The following RNF182 variants were observed in gnomAD, a reference collection of about 807,000 sequenced individuals.
RNF182 encodes the protein ring finger protein 182.
RNF182 carries 15 observed loss-of-function variants against 14.4 expected under a neutral mutation model. The observed-to-expected ratio is 1.04, with a 90% CI of 0.70 to 1.60. RNF182 has a LOEUF of 1.60. RNF182 is among the 40% of genes most tolerant of loss of function. RNF182 has a pLI of 0.00. For missense variants in RNF182, 268 were observed against 294.8 expected (o/e 0.91, Z 0.67); for synonymous variants, 128 against 122.9 (o/e 1.04, Z -0.27).
At chr6:13,949,646 C>A in intron 1 of RNF182, 1 of 330,938 alleles carries the variant, frequency 3.0e-6, no homozygotes, top group East Asian at 7.5e-5. Flanking sequence ...TTATCATGAT[C>A]GAACAAACCT....
chr6:13,962,331 A>G (rs1335648932), intron 1 of RNF182, among the ~76,000 whole-genome samples: 1 of 152,224 alleles, frequency 6.6e-6, no homozygotes, highest in East Asian at 1.9e-4. Flanking sequence ...GGTGTCAGAG[A>G]GATGGCAAGC....
Position 13,924,984 on chromosome 6 carries a change from A to T in RNF182, c.-406A>T, listed in dbSNP as rs1352839892. ...TCCCTCCCCTCCCAGGCGCCGCCGCAGCCGGAGCGGCTCCCGGGCCCTGGG... is the reference window on the plus strand; with the variant it reads ...TCCCTCCCCTCCCAGGCGCCGCCGCTGCCGGAGCGGCTCCCGGGCCCTGGG... On this transcript the variant is annotated 5_prime_UTR_variant, in exon 1 of 3. Transcript: ENST00000488300. 5.5e-5 allele frequency: 1 copy of T among 18,230 alleles called. No homozygotes were observed. The highest frequency in any genetic ancestry group is 1.1e-4 in the Non-Finnish European group (1 of 9,220). 1.1% of individuals were successfully genotyped at this position (18,230 alleles called of 1,614,324 possible).
chr6:13,967,785 T>G (rs1414466328), intron 1 of RNF182, among the ~76,000 whole-genome samples: 2 of 152,186 alleles, frequency 1.3e-5, no homozygotes, highest in Non-Finnish European at 2.9e-5. Flanking sequence ...CTGGCTAGTC[T>G]CAAACTCCTA....
intron 1 of RNF182, among the ~76,000 whole-genome samples, chr6:13,972,304 C>CAA (rs1162936847): frequency 2.5e-4 from 15 of 61,084 alleles, no homozygotes; most frequent in Middle Eastern, 0.01. Context: ...GACTCTGTCT[C>CAA]AAAAAAAAAA....
At chr6:13,935,887 A>G (rs2113587297) in intron 1 of RNF182, among the ~76,000 whole-genome samples, 1 of 152,328 alleles carries the variant, frequency 6.6e-6, no homozygotes, top group Non-Finnish European at 1.5e-5. Flanking sequence ...TGCTATAAGG[A>G]ACTACTTGAG....
intron 1 of RNF182, among the ~76,000 whole-genome samples, chr6:13,943,925 A>C (rs1456907848): frequency 6.6e-6 from 1 of 152,192 alleles, no homozygotes; most frequent in Non-Finnish European, 1.5e-5. Flanking sequence ...ATTGGTGTTT[A>C]TCTGGAGGAG....
At chr6:13,926,974 T>C (rs1758846602) in intron 1 of RNF182, among the ~76,000 whole-genome samples, 1 of 152,188 alleles carries the variant, frequency 6.6e-6, no homozygotes, top group African/African-American at 2.4e-5. Context: ...GAGATATCCA[T>C]GGTGAATTTA....
intron 1 of RNF182, among the ~76,000 whole-genome samples, chr6:13,936,186 C>T (rs536179499): frequency 3.3e-5 from 5 of 152,318 alleles, no homozygotes; most frequent in East Asian, 1.9e-4. Flanking sequence ...CACCAGGCCC[C>T]GCCTCCAACA....
intron 1 of RNF182, among the ~76,000 whole-genome samples, chr6:13,950,028 A>G (rs1759547689): frequency 6.6e-6 from 1 of 152,248 alleles, no homozygotes; most frequent in Admixed American, 6.5e-5. Flanking sequence ...AACTTAAAAT[A>G]ATTATTCAGC....
chr6:13,940,651 T>G (rs1020259417), intron 1 of RNF182, among the ~76,000 whole-genome samples: 1 of 152,128 alleles, frequency 6.6e-6, no homozygotes, highest in Non-Finnish European at 1.5e-5. Flanking sequence ...GGCTTTAGGT[T>G]TTCTGTTTTT....
At position 13,952,089 on chromosome 6, in the gene RNF182, AAGATAGTAAAGAGACAGG is replaced by A. The variant is rs370852294; in HGVS notation, c.-366-22117_-366-22100del. ...CAGACAGTTGCCCTGCAAGACAGAA[AAGATAGTAAAGAGACAGG>A]AGAGAGAGAGAGGAAAGGGAAGGGC... is the stretch of plus-strand genomic sequence containing the variant. On this transcript the variant is annotated intron_variant, in intron 1 of 2. Coordinates refer to ENST00000488300, the MANE Select transcript of RNF182 (RefSeq NM_152737.4). 1.4e-3 allele frequency among the ~76,000 whole-genome samples: 218 copies of A among 152,280 alleles called. 1 individual carries two copies. The highest frequency in any genetic ancestry group is 5.0e-3 in the African/African-American group (208 of 41,550).
Position 13,977,719 on chromosome 6 carries a change from A to G in RNF182, c.600A>G (p.Gly200=). ...GLLYFSSLPL[G]IYLLVSKKVT... ...TCTACTTCAGCTCCTTACCCTTAGG[A>G]ATCTACTTACTGGTGTCTAAGAAAG... Residue 200 remains glycine, a synonymous_variant, in exon 3 of 3, where the codon GGA becomes GGG. Coordinates refer to ENST00000488300, the MANE Select transcript of RNF182 (RefSeq NM_152737.4). 6.2e-7 allele frequency: 1 copy of G among 1,614,110 alleles called. No individual in the cohort carries two copies.
intron 1 of RNF182, among the ~76,000 whole-genome samples, chr6:13,936,728 G>A (rs1759120463): frequency 6.6e-6 from 1 of 152,216 alleles, no homozygotes; most frequent in South Asian, 2.1e-4. Flanking sequence ...CTGTAGGAGA[G>A]GCATCCAAGC....
chr6:13,949,020 T>C (rs1360909276), intron 1 of RNF182: 7 of 563,186 alleles, frequency 1.2e-5, no homozygotes, highest in East Asian at 2.9e-5. Flanking sequence ...ATCTACTCAC[T>C]CCTAATCAGT....
At chr6:13,949,073 T>G in intron 1 of RNF182, 1 of 703,040 alleles carries the variant, frequency 1.4e-6, no homozygotes, top group South Asian at 1.6e-5. Flanking sequence ...TATAACCCTT[T>G]AAATTTTTTG....
chr6:13,977,923 A>G lies in RNF182; in HGVS notation c.*60A>G. ...CCCTGTTTGAGTGTGAAGTTAGATA[A>G]TTTATAATTTATTTTCTTTTATGTT... On this transcript the variant is annotated 3_prime_UTR_variant, in exon 3 of 3. Transcript: ENST00000488300. The G allele has an allele frequency of 2.1e-6, 3 of 1,456,690 alleles. 1 individual carries two copies. The allele number at this position is 1,456,690 out of a possible 1,614,324, so 90.2% of individuals were successfully genotyped here. A position where few individuals can be genotyped will look rare whatever the true frequency, so the allele number is the denominator to read the frequency against.
At chr6:13,953,385 T>C (rs1759643755) in intron 1 of RNF182, among the ~76,000 whole-genome samples, 1 of 152,022 alleles carries the variant, frequency 6.6e-6, no homozygotes. Context: ...TGTGTGTGTA[T>C]GGTGGGGGGC....
chr6:13,926,270 T>C (rs912941174), intron 1 of RNF182, among the ~76,000 whole-genome samples: 2 of 152,210 alleles, frequency 1.3e-5, no homozygotes, highest in African/African-American at 4.8e-5. Flanking sequence ...ACAGTACCAC[T>C]GATCATTTTG....
intron 1 of RNF182, among the ~76,000 whole-genome samples, chr6:13,960,037 T>A (rs1426173437): frequency 4.6e-5 from 7 of 152,236 alleles, no homozygotes; most frequent in African/African-American, 1.7e-4. Flanking sequence ...AGAATAGTGA[T>A]CAGTGAACTA....
Sources: allele counts gnomAD v4.1 joint callset (sites outside exome capture counted in the v4.1 genomes callset), GRCh38; gene constraint gnomAD v4.1.1; transcripts MANE v1.5; gene names NCBI Gene and HGNC (gene_info 2026-07-23, HGNC 2026-07-21).